NPL: variants seen among roughly 807,000 people sequenced by gnomAD.
NPL encodes the protein N-acetylneuraminate pyruvate lyase, also known as N-acetylneuraminate lyase.
In NPL, 32 loss-of-function variants were observed where a neutral mutation model predicts 41.1. That is an observed-to-expected ratio of 0.78 (90% confidence interval 0.59 to 1.05). NPL has a LOEUF of 1.05. Among genes scored for constraint, NPL ranks in the 50% least tolerant of loss-of-function variants. The pLI is 0.00. For synonymous variants in NPL, 128 were observed against 134.9 expected (o/e 0.95, Z 0.35); for missense variants, 321 against 378.4 (o/e 0.85, Z 1.26).
In NPL at chr1:182,790,613, TTTGTTGTTGTTGTTGTTGTTG is replaced by T. The variant is rs148847511; in HGVS notation, c.-72+832_-72+852del. ...TACTGATCATTCTCTGTTAAAGTCTTTTGTTGTTGTTGTTGTTGTTGTTGTTGTTGTTGTTGTTGTTGTTTT... is the reference window on the plus strand; with the variant it reads ...TACTGATCATTCTCTGTTAAAGTCTTTTGTTGTTGTTGTTGTTGTTGTTTT... On this transcript the variant is annotated intron_variant, in intron 1 of 12. Transcript: ENST00000367553. 5.1e-3 allele frequency among the ~76,000 whole-genome samples: 764 copies of T among 150,480 alleles called. 6 individuals are homozygous for T. The highest frequency in any genetic ancestry group is 0.017 in the African/African-American group (697 of 41,040).
intron 10 of NPL, among the ~76,000 whole-genome samples, chr1:182,819,227 C>T (rs12082500): frequency 0.081 from 12,297 of 152,042 alleles, 1,316 homozygotes; most frequent in African/African-American, 0.25. Flanking sequence ...GAGGCCAAGG[C>T]GGGTGGATCA....
intron 12 of NPL, chr1:182,827,133 A>T (rs1667651144): frequency 6.6e-6 from 1 of 152,230 alleles, no homozygotes; most frequent in Non-Finnish European, 1.5e-5. Context: ...CCTACTGTAT[A>T]TTCGATCATG....
intron 5 of NPL, 47 bp from the exon 6 acceptor site, chr1:182,812,109 C>G (rs1363961806): frequency 4.4e-6 from 7 of 1,598,286 alleles, no homozygotes; most frequent in Non-Finnish European, 6.0e-6. Flanking sequence ...AGCCCTTCTG[C>G]ATGCCTCTAA....
At chr1:182,810,821 C>A (rs1667155679) in intron 5 of NPL, among the ~76,000 whole-genome samples, 1 of 152,088 alleles carries the variant, frequency 6.6e-6, no homozygotes, top group African/African-American at 2.4e-5. Context: ...ATAATCCTTA[C>A]AATAGCCCTG....
At position 182,829,232 on chromosome 1, in the gene NPL, C is replaced by G. The variant is rs1192843743; in HGVS notation, c.*324C>G. The stretch of plus-strand genomic sequence containing the variant: ...TTAGGAGCTCTCATTATCTCGGTCT[C>G]TGGTTCCTAATCCTATTTTAAAGTT... On this transcript the variant is annotated 3_prime_UTR_variant, in exon 13 of 13. Transcript: ENST00000367553. 1 of 1,204,532 alleles carries G rather than the reference C, an allele frequency of 8.3e-7. No individual in the cohort carries two copies. Among genetic ancestry groups the G allele is most frequent in the Non-Finnish European group, 1.0e-6 (1 of 967,088 alleles). The allele number at this position is 1,204,532 out of a possible 1,614,324, so 74.6% of individuals were successfully genotyped here. A position where few individuals can be genotyped will look rare whatever the true frequency, so the allele number is the denominator to read the frequency against.
chr1:182,807,820 G>A (rs1440566617), intron 5 of NPL, among the ~76,000 whole-genome samples: 2 of 150,910 alleles, frequency 1.3e-5, no homozygotes, highest in Non-Finnish European at 3.0e-5. Flanking sequence ...GAACCTGGGA[G>A]GTGGAGCTTG....
chr1:182,797,839 A>G (rs897029499), intron 3 of NPL, among the ~76,000 whole-genome samples: 1 of 152,208 alleles, frequency 6.6e-6, no homozygotes, highest in Non-Finnish European at 1.5e-5. Context: ...GCCCTGTTCA[A>G]TAGATATTGA....
At chr1:182,794,260 C>G in intron 2 of NPL, 96 bp from the exon 3 acceptor site, 1 of 1,053,800 alleles carries the variant, frequency 9.5e-7, no homozygotes, top group Non-Finnish European at 1.5e-6. Flanking sequence ...CTTGTAAGCA[C>G]ATTTTACAGT....
At chr1:182,791,360 G>A (rs1288703971) in intron 1 of NPL, 1 of 152,160 alleles carries the variant, frequency 6.6e-6, no homozygotes, top group Non-Finnish European at 1.5e-5. Flanking sequence ...AAGGTAGATA[G>A]GAGGAACAGC....
Position 182,829,755 on chromosome 1 carries a change from C to T in NPL, c.*847C>T, listed in dbSNP as rs1667720585. The stretch of plus-strand genomic sequence containing the variant: ...TTCCTTTCTGCAGTGAGCCCAGGGG[C>T]TAATGTTATTATCCTGTCACACTTG... On this transcript the variant is annotated 3_prime_UTR_variant, in exon 13 of 13. Coordinates refer to ENST00000367553, the MANE Select transcript of NPL (RefSeq NM_030769.3). 2 of 903,538 alleles carry T rather than the reference C, an allele frequency of 2.2e-6. No homozygotes were observed. Among genetic ancestry groups the T allele is most frequent in the African/African-American group, 1.7e-5 (1 of 59,638 alleles). 56.0% of individuals were successfully genotyped at this position (903,538 alleles called of 1,614,324 possible). A position where few individuals can be genotyped will look rare whatever the true frequency, so the allele number is the denominator to read the frequency against.
intron 10 of NPL, among the ~76,000 whole-genome samples, chr1:182,819,911 AG>A (rs1667443126): frequency 6.6e-6 from 1 of 152,266 alleles, no homozygotes; most frequent in Non-Finnish European, 1.5e-5. Flanking sequence ...AGAACCTAAG[AG>A]GAGGATGTAC....
At chr1:182,821,659 AAT>A (rs1667489235) in intron 10 of NPL, among the ~76,000 whole-genome samples, 1 of 152,198 alleles carries the variant, frequency 6.6e-6, no homozygotes, top group Non-Finnish European at 1.5e-5. Context: ...GTCTTTAAGT[AAT>A]ATACACATTA....
intron 4 of NPL, among the ~76,000 whole-genome samples, chr1:182,804,746 C>G (rs1223585895): frequency 6.6e-6 from 1 of 152,094 alleles, no homozygotes; most frequent in Non-Finnish European, 1.5e-5. Context: ...GCCAGAGGTA[C>G]CTGGTAATAA....
Position 182,803,026 on chromosome 1 carries a change from A to G in NPL, c.69-672A>G, listed in dbSNP as rs562287939. Among the ~76,000 whole-genome samples, 8 of 152,346 alleles carry G rather than the reference A, an allele frequency of 5.3e-5. 1 individual carries two copies. In the South Asian group the frequency reaches 1.7e-3, roughly 32 times the overall value. The stretch of plus-strand genomic sequence containing the variant: ...AACCTTGTTCAATGTAAAACCAGCA[A>G]ATACAGATGGGTTTAAGACTCCATG... On this transcript the variant is annotated intron_variant, in intron 3 of 12. Coordinates refer to ENST00000367553, the MANE Select transcript of NPL (RefSeq NM_030769.3).
chr1:182,822,382 C>T (rs1347046444), intron 11 of NPL, among the ~76,000 whole-genome samples, 183 bp downstream of exon 11: 1 of 152,070 alleles, frequency 6.6e-6, no homozygotes, highest in Non-Finnish European at 1.5e-5. Context: ...TCTGTGTTCC[C>T]GACATGTCTA....
chr1:182,816,810 A>C lies in NPL; in HGVS notation c.457+4A>C. 1.2e-6 allele frequency: 2 copies of C among 1,601,842 alleles called. No homozygotes were observed. The highest frequency in any genetic ancestry group is 1.7e-6 in the Non-Finnish European group (2 of 1,169,558). On this transcript the variant is annotated splice_donor_region_variant and intron_variant, in intron 8 of 12. Coordinates refer to ENST00000367553, the MANE Select transcript of NPL (RefSeq NM_030769.3). ...CCTGCCTTGACAGGGGTAAAGAGTAAGTACTGCTTCTGTTGATCTTTCTTT... is the reference window on the plus strand; with the variant it reads ...CCTGCCTTGACAGGGGTAAAGAGTACGTACTGCTTCTGTTGATCTTTCTTT...
At chr1:182,825,848 C>T in intron 12 of NPL, 28 bp downstream of exon 12, 1 of 1,565,110 alleles carries the variant, frequency 6.4e-7, no homozygotes, top group East Asian at 2.2e-5. Context: ...TCTGCTTTGT[C>T]TGCTGCTGGA....
chr1:182,817,065 A>G (rs544067859), intron 8 of NPL, among the ~76,000 whole-genome samples: 17 of 152,286 alleles, frequency 1.1e-4, no homozygotes, highest in African/African-American at 3.9e-4. Context: ...TTTCATCTCT[A>G]TCACACACAC....
At chr1:182,818,438 G>T (rs1667394756) in intron 8 of NPL, 103 bp from the exon 9 acceptor site, 4 of 1,442,918 alleles carry the variant, frequency 2.8e-6, no homozygotes, top group Non-Finnish European at 3.9e-6. Flanking sequence ...GTCAGTTCTG[G>T]CTGACAGCAG....
Sources: gnomAD v4.1 joint callset for allele counts (sites outside exome capture counted in the v4.1 genomes callset) on GRCh38, gnomAD v4.1.1 for gene constraint, MANE v1.5 for transcripts, NCBI Gene and HGNC (gene_info 2026-07-23, HGNC 2026-07-21) for gene names.